The following CYP19A1 variants were observed in gnomAD, a reference collection of about 807,000 sequenced individuals.
CYP19A1 encodes the protein cytochrome P450 family 19 subfamily A member 1.
CYP19A1 carries 32 observed loss-of-function variants against 44.4 expected under a neutral mutation model. The ratio of observed to expected loss-of-function variants is 0.72; its 90% CI spans 0.54 to 0.97. The LOEUF (loss-of-function observed/expected upper bound fraction) is 0.97. CYP19A1 is among the 50% of genes least tolerant of loss of function. The pLI is 0.00. For missense variants in CYP19A1, 598 were observed against 637.8 expected (o/e 0.94, Z 0.67); for synonymous variants, 212 against 215.6 (o/e 0.98, Z 0.14).
chr15:51,302,223 A>G (rs1363792391), intron 1 of CYP19A1, among the ~76,000 whole-genome samples: 1 of 152,132 alleles, frequency 6.6e-6, no homozygotes, highest in Non-Finnish European at 1.5e-5. Context: ...AATAATCTGG[A>G]ACTATTGTAA....
chr15:51,240,474 G>C (rs2033689412), intron 2 of CYP19A1, among the ~76,000 whole-genome samples: 2 of 152,074 alleles, frequency 1.3e-5, no homozygotes, highest in Admixed American at 1.3e-4. Context: ...AGCTTTCACT[G>C]TTCCTGAGCT....
intron 8 of CYP19A1, 99 bp downstream of exon 8, chr15:51,214,971 A>G (rs2031420615): frequency 6.6e-7 from 1 of 1,520,012 alleles, no homozygotes; most frequent in Non-Finnish European, 8.8e-7. Context: ...AGCAAATTAT[A>G]AAAAATTTCA....
At chr15:51,322,847 T>C (rs2036549016) in intron 1 of CYP19A1, among the ~76,000 whole-genome samples, 1 of 152,182 alleles carries the variant, frequency 6.6e-6, no homozygotes, top group Non-Finnish European at 1.5e-5. Context: ...GCTCCATGAG[T>C]CCATAACCTG....
At chr15:51,325,666 C>A (rs1466319089) in intron 1 of CYP19A1, among the ~76,000 whole-genome samples, 1 of 151,796 alleles carries the variant, frequency 6.6e-6, no homozygotes, top group South Asian at 2.1e-4. Context: ...GGTGAAACCC[C>A]GTCTCTACTA....
intron 1 of CYP19A1, among the ~76,000 whole-genome samples, chr15:51,273,294 G>C (rs1305799702): frequency 6.6e-6 from 1 of 152,098 alleles, no homozygotes; most frequent in African/African-American, 2.4e-5. Context: ...TGATCAATAG[G>C]CAGAATAGTG....
intron 1 of CYP19A1, among the ~76,000 whole-genome samples, chr15:51,332,153 A>C (rs192147151): frequency 2.6e-5 from 4 of 151,934 alleles, no homozygotes; most frequent in Admixed American, 1.3e-4. Flanking sequence ...CTGTTCAATT[A>C]TTTTCTTTCT....
intron 3 of CYP19A1, among the ~76,000 whole-genome samples, chr15:51,233,310 C>G (rs1480354423): frequency 6.6e-6 from 1 of 152,178 alleles, no homozygotes; most frequent in African/African-American, 2.4e-5. Flanking sequence ...CTGGGAAAGG[C>G]CCTGGTCCCA....
At chr15:51,235,067 C>A (rs925560575) in intron 3 of CYP19A1, among the ~76,000 whole-genome samples, 4 of 152,130 alleles carry the variant, frequency 2.6e-5, no homozygotes, top group African/African-American at 9.7e-5. Flanking sequence ...AATGTCCCTA[C>A]CCCCAAACCC....
In CYP19A1 at chr15:51,237,007, G is replaced by A; in HGVS notation, c.148C>T (p.Pro50Ser). 1 of 1,614,146 alleles carries A rather than the reference G, an allele frequency of 6.2e-7. No homozygotes were observed. The highest frequency in any genetic ancestry group is 1.1e-5 in the South Asian group (1 of 91,076). The change falls in exon 3 of 10, where the codon CCT becomes TCT. Residue 50 changes from proline (P) to serine (S), a missense_variant and splice_region_variant. Coordinates refer to ENST00000396402, the MANE Select transcript of CYP19A1 (RefSeq NM_000103.4). ...NYEGTSSIPG[P>S]GYCMGIGPLI... ...GGTCCAATTCCCATGCAGTAGCCAG[G>A]ACCTAGGACAGGTGTCAGAGCATAA...
In CYP19A1 at chr15:51,210,006, A is replaced by G. The variant is rs1306444626; in HGVS notation, c.*802T>C. ...TTTTTATTTGAATTTGAAGTGCATC[A>G]TGTGAATTTTTTTTTCTACAGCAGA... On this transcript the variant is annotated 3_prime_UTR_variant, in exon 10 of 10. Transcript: ENST00000396402. 1 of 181,948 alleles carries G rather than the reference A, an allele frequency of 5.5e-6. No individual in the cohort carries two copies. Among genetic ancestry groups the G allele is most frequent in the Admixed American group, 5.8e-5 (1 of 17,284 alleles). The allele number at this position is 181,948 out of a possible 1,614,324, so 11.3% of individuals were successfully genotyped here.
intron 1 of CYP19A1, among the ~76,000 whole-genome samples, chr15:51,285,325 A>G (rs2035660339): frequency 6.6e-6 from 1 of 152,262 alleles, no homozygotes; most frequent in Non-Finnish European, 1.5e-5. Context: ...TCCATTTTGA[A>G]TAAGGGCTAA....
At chr15:51,278,046 A>T (rs2035386682) in intron 1 of CYP19A1, 1 of 148,188 alleles carries the variant, frequency 6.7e-6, no homozygotes, top group African/African-American at 2.5e-5. Context: ...GGACTCTTGA[A>T]GATGGTGAGT....
chr15:51,288,604 C>T (rs1343100238), intron 1 of CYP19A1, among the ~76,000 whole-genome samples: 3 of 152,168 alleles, frequency 2.0e-5, no homozygotes, highest in Non-Finnish European at 2.9e-5. Flanking sequence ...TCTCAGCCTC[C>T]TCCTTTGTTC....
intron 1 of CYP19A1, among the ~76,000 whole-genome samples, chr15:51,253,516 C>T (rs972147138): frequency 8.5e-5 from 13 of 152,186 alleles, no homozygotes; most frequent in African/African-American, 1.9e-4. Flanking sequence ...TCACTGAACA[C>T]ACTTGTTGGG....
At chr15:51,240,232 T>C (rs895675255) in intron 2 of CYP19A1, among the ~76,000 whole-genome samples, 1 of 152,096 alleles carries the variant, frequency 6.6e-6, no homozygotes, top group Admixed American at 6.5e-5. Context: ...CACATCCTCC[T>C]GCCCCTAAGC....
chr15:51,235,751 T>C (rs1277978304), intron 3 of CYP19A1, among the ~76,000 whole-genome samples: 1 of 152,230 alleles, frequency 6.6e-6, no homozygotes, highest in Non-Finnish European at 1.5e-5. Context: ...AAAAATTATG[T>C]AGTTTAGAAA....
chr15:51,261,872 A>G (rs990828482), intron 1 of CYP19A1, among the ~76,000 whole-genome samples: 2 of 152,116 alleles, frequency 1.3e-5, no homozygotes, highest in African/African-American at 2.4e-5. Context: ...GTTCTGGGCC[A>G]CTTCTCACTG....
At chr15:51,330,264 GAGT>G (rs1157973225) in intron 1 of CYP19A1, among the ~76,000 whole-genome samples, 2 of 152,130 alleles carry the variant, frequency 1.3e-5, no homozygotes, top group African/African-American at 2.4e-5. Context: ...AGCAGACTGG[GAGT>G]AGAAGGTGCA....
At chr15:51,279,112 T>C (rs2035427651) in intron 1 of CYP19A1, 1 of 152,196 alleles carries the variant, frequency 6.6e-6, no homozygotes, top group South Asian at 2.1e-4. Flanking sequence ...TTCTTCAAGG[T>C]CTCTGTGACT....
Sources: allele counts gnomAD v4.1 joint callset (sites outside exome capture counted in the v4.1 genomes callset), GRCh38; gene constraint gnomAD v4.1.1; transcripts MANE v1.5; gene names NCBI Gene and HGNC (gene_info 2026-07-23, HGNC 2026-07-21).